The following ATXN7L1 variants were observed in gnomAD, a reference collection of about 807,000 sequenced individuals.
ATXN7L1 encodes ataxin-7-like protein 1.
ATXN7L1 carries 15 observed loss-of-function variants against 70.8 expected under a neutral mutation model. The observed-to-expected ratio is 0.21, with a 90% confidence interval of 0.14 to 0.33. The LOEUF is 0.33. Among genes scored for constraint, ATXN7L1 ranks in the 10% least tolerant of loss-of-function variants. The pLI is 1.00. For synonymous variants in ATXN7L1, 440 were observed against 445.1 expected, an observed-to-expected ratio of 0.99 and a Z score of 0.14; for missense variants, 975 against 1,097.1, an observed-to-expected ratio of 0.89 and a Z score of 1.57.
At chr7:105,801,409 G>A (rs1806794676) in intron 2 of ATXN7L1, among the ~76,000 whole-genome samples, 1 of 152,172 alleles carries the variant, frequency 6.6e-6, no homozygotes, top group Non-Finnish European at 1.5e-5. Flanking sequence ...ATTCTCTGGG[G>A]TATGGAGTCG....
intron 2 of ATXN7L1, among the ~76,000 whole-genome samples, chr7:105,840,633 C>T (rs1813066806): frequency 6.6e-6 from 1 of 152,176 alleles, no homozygotes; most frequent in Non-Finnish European, 1.5e-5. Context: ...TACAACCCAG[C>T]TGTCAAATGC....
At chr7:105,747,440 T>C (rs888864767) in intron 3 of ATXN7L1, among the ~76,000 whole-genome samples, 13 of 152,190 alleles carry the variant, frequency 8.5e-5, no homozygotes, top group African/African-American at 3.1e-4. Context: ...CAGAAATTCT[T>C]GTACTCGGGA....
At chr7:105,852,583 C>T (rs781139286) in intron 2 of ATXN7L1, among the ~76,000 whole-genome samples, 12 of 152,056 alleles carry the variant, frequency 7.9e-5, no homozygotes, top group South Asian at 2.1e-4. Flanking sequence ...TCTGACCCCT[C>T]GGCCAGCAAT....
At chr7:105,637,259 G>A (rs1430683562) in intron 7 of ATXN7L1, among the ~76,000 whole-genome samples, 1 of 152,214 alleles carries the variant, frequency 6.6e-6, no homozygotes, top group East Asian at 1.9e-4. Flanking sequence ...ATCAGGGTGA[G>A]AGCCTGGCAG....
Position 105,678,412 on chromosome 7 carries a change from T to C in ATXN7L1, c.356-13124A>G, listed in dbSNP as rs150264484. 1.4e-3 allele frequency among the ~76,000 whole-genome samples: 216 copies of C among 152,216 alleles called. 2 individuals are homozygous for C. Among genetic ancestry groups the C allele is most frequent in the African/African-American group, 5.0e-3 (207 of 41,512 alleles). On this transcript the variant is annotated intron_variant, in intron 3 of 11. Transcript: ENST00000419735. ...CAGCCAGACACGCTGCCCAGCATCC[T>C]AGTGAGCCCGTCAGTCCACCTGTGG...
intron 2 of ATXN7L1, among the ~76,000 whole-genome samples, chr7:105,839,469 A>C (rs1303123051): frequency 2.6e-5 from 4 of 152,140 alleles, no homozygotes; most frequent in Non-Finnish European, 5.9e-5. Flanking sequence ...ATGGTACCTG[A>C]TTAGCACATA....
At chr7:105,685,081 AT>A (rs1188544489) in intron 3 of ATXN7L1, among the ~76,000 whole-genome samples, 30 of 134,770 alleles carry the variant, frequency 2.2e-4, no homozygotes, top group African/African-American at 6.8e-4. Context: ...AATAATAATA[AT>A]AATAAATGGT....
At chr7:105,670,651 T>C (rs1383216757) in intron 3 of ATXN7L1, among the ~76,000 whole-genome samples, 1 of 134,812 alleles carries the variant, frequency 7.4e-6, no homozygotes, top group African/African-American at 2.6e-5. Context: ...GTCTACCTAC[T>C]ATTTATCTTT....
At chr7:105,791,074 G>A (rs1563096031) in intron 2 of ATXN7L1, among the ~76,000 whole-genome samples, 2 of 152,222 alleles carry the variant, frequency 1.3e-5, no homozygotes, top group Non-Finnish European at 2.9e-5. Flanking sequence ...TGCTTCAAGG[G>A]AAATGGAACT....
chr7:105,619,891 G>A (rs1333483968), intron 9 of ATXN7L1, among the ~76,000 whole-genome samples: 2 of 151,180 alleles, frequency 1.3e-5, no homozygotes, highest in African/African-American at 2.5e-5. Flanking sequence ...GATTCTCTAG[G>A]AGCAATAAAA....
chr7:105,770,251 T>G (rs1265028771), intron 3 of ATXN7L1, among the ~76,000 whole-genome samples: 2 of 152,254 alleles, frequency 1.3e-5, no homozygotes, highest in Non-Finnish European at 2.9e-5. Context: ...TAGCTATTTA[T>G]CATGGCAAAT....
intron 7 of ATXN7L1, among the ~76,000 whole-genome samples, chr7:105,630,696 G>A (rs1250437501): frequency 6.8e-6 from 1 of 148,028 alleles, no homozygotes; most frequent in Admixed American, 7.0e-5. Flanking sequence ...TAGCCTGGGG[G>A]ACAGAGTGAG....
At chr7:105,867,583 G>GA (rs1817666880) in intron 2 of ATXN7L1, among the ~76,000 whole-genome samples, 1 of 152,226 alleles carries the variant, frequency 6.6e-6, no homozygotes, top group South Asian at 2.1e-4. Context: ...TTCCCTGGGG[G>GA]ACCGAGGCTT....
intron 4 of ATXN7L1, among the ~76,000 whole-genome samples, chr7:105,643,402 CCCGGGCCCTATA>C (rs1215489842): frequency 6.6e-6 from 1 of 152,190 alleles, no homozygotes; most frequent in Non-Finnish European, 1.5e-5. Flanking sequence ...CTCCCCACTT[CCCGGGCCCTATA>C]GGTTGGCCAT....
At chr7:105,743,178 G>A (rs1430098825) in intron 3 of ATXN7L1, among the ~76,000 whole-genome samples, 2 of 152,042 alleles carry the variant, frequency 1.3e-5, no homozygotes, top group African/African-American at 4.8e-5. Context: ...GGGAGTCAGA[G>A]GAGGGGAAGA....
At chr7:105,848,546 A>G (rs1814404888) in intron 2 of ATXN7L1, among the ~76,000 whole-genome samples, 2 of 152,244 alleles carry the variant, frequency 1.3e-5, no homozygotes, top group Non-Finnish European at 2.9e-5. Flanking sequence ...TTACAATGGA[A>G]TACTTAATAA....
At chr7:105,852,777 T>C (rs1049590491) in intron 2 of ATXN7L1, among the ~76,000 whole-genome samples, 2 of 151,866 alleles carry the variant, frequency 1.3e-5, no homozygotes, top group African/African-American at 4.8e-5. Flanking sequence ...TGGAAACAGG[T>C]ATACCCGCAT....
At chr7:105,696,185 TG>T (rs1306036688) in intron 3 of ATXN7L1, among the ~76,000 whole-genome samples, 1 of 152,222 alleles carries the variant, frequency 6.6e-6, no homozygotes, top group Non-Finnish European at 1.5e-5. Flanking sequence ...ATGAAGGTCA[TG>T]AAGACTAATG....
intron 9 of ATXN7L1, among the ~76,000 whole-genome samples, chr7:105,618,758 C>T (rs1794298824): frequency 1.3e-5 from 2 of 152,184 alleles, no homozygotes; most frequent in African/African-American, 2.4e-5. Flanking sequence ...ATCTTGAGAG[C>T]TCACCTTTGT....
Sources: allele counts gnomAD v4.1 joint callset (sites outside exome capture counted in the v4.1 genomes callset), GRCh38; gene constraint gnomAD v4.1.1; transcripts MANE v1.5; gene names NCBI Gene and HGNC (gene_info 2026-07-23, HGNC 2026-07-21).